The following GRK4 variants were observed in gnomAD, a reference collection of about 807,000 sequenced individuals.
GRK4 encodes the protein G protein-coupled receptor kinase 4.
A neutral mutation model predicts 77.9 loss-of-function variants in GRK4; 73 were observed. That is an observed-to-expected ratio of 0.94 (90% CI 0.78 to 1.14). The LOEUF (loss-of-function observed/expected upper bound fraction) is 1.14, where lower values mean the gene tolerates loss of function less well. GRK4 is among the 50% of genes most tolerant of loss of function. The probability of loss-of-function intolerance (pLI) is 0.00; values close to 1 mark genes in which losing one functional copy is unlikely to be tolerated. For synonymous variants in GRK4, 257 were observed against 254.4 expected (o/e 1.01, Z -0.10); for missense variants, 729 against 700.2 (o/e 1.04, Z -0.46).
chr4:3,014,246 G>A lies in GRK4; in HGVS notation c.741+418G>A, dbSNP rs1733776652. Among the ~76,000 whole-genome samples, 3 of 151,118 alleles carry A rather than the reference G, an allele frequency of 2.0e-5. No individual in the cohort carries two copies. In the South Asian group the frequency reaches 6.3e-4, roughly 32 times the overall value. ...CCTCCAGTCAATTTCTCTGGCCCCT[G>A]GGACACTGTGACTTGGCTGTGCTTG... On this transcript the variant is annotated intron_variant, in intron 8 of 15. Coordinates refer to ENST00000398052, the MANE Select transcript of GRK4 (RefSeq NM_182982.3).
chr4:2,964,695 C>T (rs1461949140), intron 1 of GRK4, among the ~76,000 whole-genome samples: 1 of 152,054 alleles, frequency 6.6e-6, no homozygotes, highest in Non-Finnish European at 1.5e-5. Context: ...AAAAATTCAG[C>T]CTTTTATCAT....
intron 3 of GRK4, 95 bp downstream of exon 3, chr4:2,988,934 C>T (rs1578082168): frequency 2.6e-6 from 2 of 769,458 alleles, no homozygotes; most frequent in Non-Finnish European, 2.3e-6. Context: ...GCTGTAATCC[C>T]AGCATTTTGG....
chr4:2,967,793 T>G (rs1718206506), intron 1 of GRK4, among the ~76,000 whole-genome samples: 1 of 150,930 alleles, frequency 6.6e-6, no homozygotes, highest in African/African-American at 2.4e-5. Context: ...ATAAAAACAA[T>G]TTTTTTTTGA....
rs1245510418 is a variant in GRK4 at position 3,038,261 on chromosome 4, C to A, written c.1546-115C>A. 8.4e-6 allele frequency: 11 copies of A among 1,315,820 alleles called. No homozygotes were observed. The East Asian group carries it at 2.5e-4, about 30-fold the overall frequency. The allele number at this position is 1,315,820 out of a possible 1,614,324, so 81.5% of individuals were successfully genotyped here. ...CAGAAAAGGGGCCCCACAGTGGGTG[C>A]AGGAGCTCTGAGGTGCCCCGCACGG... On this transcript the variant is annotated intron_variant, in intron 14 of 15. Coordinates refer to ENST00000398052, the MANE Select transcript of GRK4 (RefSeq NM_182982.3).
At chr4:3,023,246 C>T (rs573449765) in intron 10 of GRK4, among the ~76,000 whole-genome samples, 3 of 152,146 alleles carry the variant, frequency 2.0e-5, no homozygotes, top group Admixed American at 6.5e-5. Context: ...GCACACTCCA[C>T]CTTGGTTCCT....
rs1401671190 is a variant in GRK4 at position 2,964,003 on chromosome 4, C to G, written c.-68C>G. On this transcript the variant is annotated 5_prime_UTR_variant, in exon 1 of 16. Transcript: ENST00000398052. Reference sequence around the variant, plus strand: ...GAGCTATGCACGGGGGCGGCGGCGTCTCCTCCTGTTCCGCCTCCTCAGTCT... The same window carrying G: ...GAGCTATGCACGGGGGCGGCGGCGTGTCCTCCTGTTCCGCCTCCTCAGTCT... 2 of 1,426,702 alleles carry G rather than the reference C, an allele frequency of 1.4e-6. No homozygotes were observed. Among genetic ancestry groups the G allele is most frequent in the Non-Finnish European group, 2.0e-6 (2 of 1,024,064 alleles). 88.4% of individuals were successfully genotyped at this position (1,426,702 alleles called of 1,614,324 possible).
Position 3,034,367 on chromosome 4 carries a change from G to A in GRK4, c.1270-1019G>A, listed in dbSNP as rs553316182. Among the ~76,000 whole-genome samples, 6 of 152,288 alleles carry A rather than the reference G, an allele frequency of 3.9e-5. No homozygotes were observed. The South Asian group carries it at 6.2e-4, about 16-fold the overall frequency. On this transcript the variant is annotated intron_variant, in intron 12 of 15. Transcript: ENST00000398052. ...TCTGTAAGGCCAGATGGTAAACAGCGTCTAGACTTTGCAGGTCTATTACAG... is the reference window on the plus strand; with the variant it reads ...TCTGTAAGGCCAGATGGTAAACAGCATCTAGACTTTGCAGGTCTATTACAG...
rs910282698 is a variant in GRK4 at position 3,039,422 on chromosome 4, G to A, written c.1683+909G>A. 3.3e-5 allele frequency among the ~76,000 whole-genome samples: 5 copies of A among 152,124 alleles called. No homozygotes were observed. The South Asian group carries it at 6.2e-4, about 19-fold the overall frequency. ...TCTTTCAGTATGAAAAATAGGCTAGGCGTGGTGGCTCACGCCTGTAATCCC... is the reference window on the plus strand; with the variant it reads ...TCTTTCAGTATGAAAAATAGGCTAGACGTGGTGGCTCACGCCTGTAATCCC... On this transcript the variant is annotated intron_variant, in intron 15 of 15. Transcript: ENST00000398052.
At chr4:3,009,781 T>TTC in intron 7 of GRK4, 70 bp downstream of exon 7, 1 of 1,104,410 alleles carries the variant, frequency 9.1e-7, no homozygotes, top group Non-Finnish European at 1.4e-6. Flanking sequence ...AGAACATGGC[T>TTC]TCAGGTAATG....
At position 3,021,203 on chromosome 4, in the gene GRK4, G is replaced by A. The variant is rs372058025; in HGVS notation, c.933-1211G>A. 9.9e-5 allele frequency among the ~76,000 whole-genome samples: 15 copies of A among 152,282 alleles called. No homozygotes were observed. In the East Asian group the frequency reaches 2.9e-3, roughly 29 times the overall value. On this transcript the variant is annotated intron_variant, in intron 9 of 15. Transcript: ENST00000398052. The stretch of plus-strand genomic sequence containing the variant: ...CCCTCATCATGCGAGGGTTTTAGCT[G>A]CTCAGGTGTCCTCACTTCATTGTAC...
intron 1 of GRK4, among the ~76,000 whole-genome samples, chr4:2,975,412 T>G (rs1453020226): frequency 6.6e-6 from 1 of 152,110 alleles, no homozygotes; most frequent in African/African-American, 2.4e-5. Flanking sequence ...TCCTCATACC[T>G]AATATACCGT....
intron 11 of GRK4, among the ~76,000 whole-genome samples, 182 bp from the exon 12 acceptor site, chr4:3,029,019 G>T (rs1738398068): frequency 6.6e-6 from 1 of 152,180 alleles, no homozygotes; most frequent in Admixed American, 6.5e-5. Flanking sequence ...TGATCTGCCT[G>T]CCTTCGCCTC....
chr4:3,038,549 T>C, intron 15 of GRK4, 36 bp downstream of exon 15: 1 of 1,513,326 alleles, frequency 6.6e-7, no homozygotes, highest in Non-Finnish European at 8.8e-7. Flanking sequence ...TGTGTGTGTA[T>C]GTGAAAAAAA....
intron 1 of GRK4, among the ~76,000 whole-genome samples, chr4:2,983,905 GA>G (rs1212811678): frequency 2.0e-5 from 3 of 152,192 alleles, no homozygotes; most frequent in East Asian, 1.9e-4. Flanking sequence ...AGGAGAGAGA[GA>G]GGGGGAGAGA....
chr4:3,014,907 G>A (rs1734009590), intron 8 of GRK4, among the ~76,000 whole-genome samples: 1 of 152,190 alleles, frequency 6.6e-6, no homozygotes, highest in Non-Finnish European at 1.5e-5. Context: ...GATTACAGGT[G>A]TGAGCTACCA....
At position 3,029,391 on chromosome 4, in the gene GRK4, C is replaced by T. The variant is rs1186270197; in HGVS notation, c.1251C>T (p.Ala417=). ...EEYSEKFSED[A]KSICRMLLTK... Reference sequence around the variant, plus strand: ...ATTCTGAGAAGTTTTCAGAGGATGCCAAATCTATCTGCAGGATGGTAAGTC... The same window carrying T: ...ATTCTGAGAAGTTTTCAGAGGATGCTAAATCTATCTGCAGGATGGTAAGTC... Residue 417 remains alanine (A), a synonymous_variant, in exon 12 of 16, where the codon GCC becomes GCT. Coordinates refer to ENST00000398052, the MANE Select transcript of GRK4 (RefSeq NM_182982.3). 1 of 1,613,472 alleles carries T rather than the reference C, an allele frequency of 6.2e-7. No individual in the cohort carries two copies. Among genetic ancestry groups the T allele is most frequent in the East Asian group, 2.2e-5 (1 of 44,882 alleles).
intron 5 of GRK4, 134 bp downstream of exon 5, chr4:3,004,468 C>A: frequency 3.6e-6 from 2 of 551,306 alleles, no homozygotes; most frequent in Non-Finnish European, 6.5e-6. Flanking sequence ...GCATTAGGGA[C>A]GCTGACACCA....
At chr4:2,972,043 C>A (rs996574463) in intron 1 of GRK4, among the ~76,000 whole-genome samples, 1 of 152,176 alleles carries the variant, frequency 6.6e-6, no homozygotes. Context: ...CTAACATAAA[C>A]GTTTTTTAGG....
chr4:2,966,751 C>T (rs768115976), intron 1 of GRK4: 2 of 152,168 alleles, frequency 1.3e-5, no homozygotes, highest in Non-Finnish European at 2.9e-5. Flanking sequence ...GGCTCATATA[C>T]TAGAAAATTA....
Sources: gnomAD v4.1 joint callset for allele counts (sites outside exome capture counted in the v4.1 genomes callset) on GRCh38, gnomAD v4.1.1 for gene constraint, MANE v1.5 for transcripts, NCBI Gene and HGNC (gene_info 2026-07-23, HGNC 2026-07-21) for gene names.